Variants in TBC1D8B observed in about 807,000 individuals in gnomAD.
TBC1D8B encodes TBC1 domain family member 8B, also known as RP11-321G1.1.
Under a neutral mutation model 82.9 loss-of-function variants are expected in TBC1D8B, and 75 were observed. The observed-to-expected ratio is 0.90, with a 90% CI of 0.75 to 1.10. TBC1D8B has a LOEUF of 1.10. Among genes scored for constraint, TBC1D8B ranks in the 50% least tolerant of loss-of-function variants. The pLI, the probability that TBC1D8B is intolerant of heterozygous loss-of-function variation, is 0.00. For missense variants in TBC1D8B, 794 were observed against 796.9 expected (o/e 1.00, Z 0.04); for synonymous variants, 276 against 276.8 (o/e 1.00, Z 0.03).
chrX:106,803,497 G>A (rs1177775508), intron 1 of TBC1D8B, among the ~76,000 whole-genome samples: 1 of 111,259 alleles, frequency 9.0e-6, no homozygotes, highest in Non-Finnish European at 1.9e-5. Context: ...GAAATATTAG[G>A]GAGGAGGGAG....
chrX:106,803,135 C>T, intron 1 of TBC1D8B, 152 bp downstream of exon 1: 1 of 658,898 alleles, frequency 1.5e-6, no homozygotes, highest in East Asian at 4.0e-5. Context: ...CTTTCCGCCA[C>T]CACCTCCAAG....
At chrX:106,846,093 CTCTT>C (rs1317729537) in intron 10 of TBC1D8B, among the ~76,000 whole-genome samples, 2 of 93,506 alleles carry the variant, frequency 2.1e-5, no homozygotes, top group Admixed American at 1.2e-4. Flanking sequence ...CTCTCTCTCT[CTCTT>C]TTTTTTTTTT....
chrX:106,830,752 A>G (rs1932017294), intron 7 of TBC1D8B, among the ~76,000 whole-genome samples: 1 of 91,664 alleles, frequency 1.1e-5, no homozygotes, highest in African/African-American at 4.2e-5. Context: ...CTATGAGAAC[A>G]CATGGACACA....
chrX:106,833,790 T>G (rs1932101367), intron 7 of TBC1D8B, among the ~76,000 whole-genome samples: 1 of 111,213 alleles, frequency 9.0e-6, no homozygotes, highest in Non-Finnish European at 1.9e-5. Context: ...TCCTGTAGTT[T>G]AGAACAATAG....
intron 10 of TBC1D8B, among the ~76,000 whole-genome samples, chrX:106,845,393 C>A (rs965056370): frequency 9.3e-6 from 1 of 107,165 alleles, no homozygotes. Flanking sequence ...TGGTGTGCTG[C>A]ACCCATTAAC....
At chrX:106,845,671 A>C (rs1200282705) in intron 10 of TBC1D8B, among the ~76,000 whole-genome samples, 1 of 111,586 alleles carries the variant, frequency 9.0e-6, no homozygotes. Context: ...CTAAGAATAC[A>C]TACAACTGTG....
chrX:106,851,586 C>T (rs1231380419), intron 12 of TBC1D8B, among the ~76,000 whole-genome samples: 1 of 109,683 alleles, frequency 9.1e-6, no homozygotes, highest in Non-Finnish European at 1.9e-5. Flanking sequence ...CACAACAGTC[C>T]CCAGTGTGTG....
At chrX:106,847,368 G>A (rs1463745338) in intron 10 of TBC1D8B, among the ~76,000 whole-genome samples, 3 of 111,366 alleles carry the variant, frequency 2.7e-5, no homozygotes, top group Non-Finnish European at 5.7e-5. Flanking sequence ...CAAATTTTAG[G>A]AGAAAAAGGA....
chrX:106,815,563 G>GT (rs1931518407), intron 1 of TBC1D8B: 1 of 110,382 alleles, frequency 9.1e-6, no homozygotes, highest in African/African-American at 3.3e-5. Context: ...CTTTAAAGTA[G>GT]TTTTTTCCAA....
At chrX:106,808,813 T>TG (rs1300087991) in intron 1 of TBC1D8B, among the ~76,000 whole-genome samples, 1 of 111,427 alleles carries the variant, frequency 9.0e-6, no homozygotes, top group African/African-American at 3.3e-5. Context: ...TGAAAACTCA[T>TG]GCTGTTTGTG....
intron 10 of TBC1D8B, among the ~76,000 whole-genome samples, chrX:106,847,628 C>T (rs1381427501): frequency 2.7e-5 from 3 of 111,042 alleles, no homozygotes; most frequent in Non-Finnish European, 3.8e-5. Flanking sequence ...AAAGCAAATC[C>T]GAAAGACGTT....
chrX:106,867,783 G>A (rs1435312455), intron 17 of TBC1D8B, among the ~76,000 whole-genome samples: 2 of 111,014 alleles, frequency 1.8e-5, no homozygotes, highest in Non-Finnish European at 3.8e-5. Flanking sequence ...ACACCAACAA[G>A]GTAAAGGCCA....
chrX:106,845,277 T>C (rs1932413781), intron 10 of TBC1D8B, among the ~76,000 whole-genome samples: 1 of 111,135 alleles, frequency 9.0e-6, no homozygotes, highest in Non-Finnish European at 1.9e-5. Flanking sequence ...ACTTTTGCTT[T>C]TGTTGATTTT....
chrX:106,826,123 A>G lies in TBC1D8B; in HGVS notation c.921A>G (p.Leu307=), dbSNP rs1341977482. 8.3e-7 allele frequency: 1 copy of G among 1,210,505 alleles called. No homozygotes were observed. Among genetic ancestry groups the G allele is most frequent in the Admixed American group, 2.2e-5 (1 of 45,909 alleles). ...TGAAAGAAGTACATGAATGTTTCTT[A>G]TGGGTACCATTCAGCCACTTCAATA... ...ESLKEVHECF[L]WVPFSHFNTH... Residue 307 remains leucine (L), a synonymous_variant, in exon 6 of 21, where the codon TTA becomes TTG. Coordinates refer to ENST00000357242, the MANE Select transcript of TBC1D8B (RefSeq NM_017752.3).
At chrX:106,832,444 A>G (rs73247962) in intron 7 of TBC1D8B, among the ~76,000 whole-genome samples, 16,805 of 110,795 alleles carry the variant, frequency 0.15, 1,268 homozygotes, top group Admixed American at 0.23. Context: ...CTATTACTAG[A>G]TAAGGTAATT....
chrX:106,813,963 C>T (rs1010408755), intron 1 of TBC1D8B: 2 of 109,401 alleles, frequency 1.8e-5, no homozygotes, highest in Non-Finnish European at 3.8e-5. Flanking sequence ...CCCATTAACG[C>T]GTCATTTAGC....
chrX:106,826,808 G>A (rs1931859803), intron 6 of TBC1D8B, among the ~76,000 whole-genome samples: 1 of 110,776 alleles, frequency 9.0e-6, no homozygotes. Flanking sequence ...TTCAGTAAGA[G>A]CTGTAAGACT....
chrX:106,815,183 T>A (rs1398601669), intron 1 of TBC1D8B: 1 of 112,398 alleles, frequency 8.9e-6, no homozygotes, highest in African/African-American at 3.2e-5. Context: ...GTTTTAGGTC[T>A]AATGTTTAAG....
intron 10 of TBC1D8B, among the ~76,000 whole-genome samples, chrX:106,847,629 G>A (rs929043819): frequency 3.6e-5 from 4 of 111,524 alleles, no homozygotes; most frequent in Admixed American, 1.9e-4. Flanking sequence ...AAGCAAATCC[G>A]AAAGACGTTT....
Sources: allele counts gnomAD v4.1 joint callset (sites outside exome capture counted in the v4.1 genomes callset), GRCh38; gene constraint gnomAD v4.1.1; transcripts MANE v1.5; gene names NCBI Gene and HGNC (gene_info 2026-07-23, HGNC 2026-07-21).